Variants in FRMD4A observed in about 807,000 individuals in gnomAD.
FRMD4A encodes FERM domain-containing protein 4A.
Under a neutral mutation model 129.1 loss-of-function variants are expected in FRMD4A, and 29 were observed. That is an observed-to-expected ratio of 0.22 (90% CI 0.17 to 0.31). The LOEUF is 0.31. Ranked by LOEUF, FRMD4A falls within the 10% of genes least tolerant of loss-of-function variation. The pLI, the probability that FRMD4A is intolerant of heterozygous loss-of-function variation, is 1.00. For missense variants in FRMD4A, 1,272 were observed against 1,375.8 expected (o/e 0.92, Z 1.19); for synonymous variants, 634 against 571.6 (o/e 1.11, Z -1.56).
chr10:14,213,885 T>C (rs1463220776), intron 2 of FRMD4A, among the ~76,000 whole-genome samples: 1 of 152,238 alleles, frequency 6.6e-6, no homozygotes, highest in African/African-American at 2.4e-5. Flanking sequence ...GATGGTTTTA[T>C]AAGGGGAAAC....
At chr10:13,741,442 C>T (rs765987072) in intron 9 of FRMD4A, among the ~76,000 whole-genome samples, 1 of 152,004 alleles carries the variant, frequency 6.6e-6, no homozygotes, top group Non-Finnish European at 1.5e-5. Context: ...CAGAGTGAGA[C>T]CCTGGCTCAA....
intron 15 of FRMD4A, among the ~76,000 whole-genome samples, chr10:13,677,043 C>T (rs955408088): frequency 3.3e-5 from 5 of 152,122 alleles, no homozygotes; most frequent in Admixed American, 2.0e-4. Context: ...ACTTCTGTCC[C>T]GTGGCATCAA....
At chr10:14,289,662 C>T (rs934707319) in intron 2 of FRMD4A, among the ~76,000 whole-genome samples, 3 of 152,076 alleles carry the variant, frequency 2.0e-5, no homozygotes, top group Non-Finnish European at 4.4e-5. Flanking sequence ...CAGCTAACAC[C>T]ATCATCAATG....
intron 2 of FRMD4A, among the ~76,000 whole-genome samples, chr10:14,022,797 T>A (rs910322854): frequency 6.6e-6 from 1 of 151,946 alleles, no homozygotes; most frequent in Non-Finnish European, 1.5e-5. Context: ...CAAGGTGGAG[T>A]GCATCTTGGA....
intron 2 of FRMD4A, among the ~76,000 whole-genome samples, chr10:14,163,349 C>T (rs996712022): frequency 7.9e-5 from 12 of 152,194 alleles, no homozygotes; most frequent in African/African-American, 2.9e-4. Flanking sequence ...TTATCATTAA[C>T]GTAATTCCCT....
At chr10:13,746,964 C>A (rs1010779478) in intron 9 of FRMD4A, among the ~76,000 whole-genome samples, 3 of 152,078 alleles carry the variant, frequency 2.0e-5, no homozygotes, top group Admixed American at 1.3e-4. Flanking sequence ...GTGGCTAAAT[C>A]AGGAGATGTG....
intron 4 of FRMD4A, among the ~76,000 whole-genome samples, chr10:13,808,435 C>A (rs1288013327): frequency 6.6e-6 from 1 of 152,218 alleles, no homozygotes; most frequent in Non-Finnish European, 1.5e-5. Flanking sequence ...TACTGTAAGG[C>A]TAGCGCTTAC....
At chr10:14,045,689 T>C (rs905046205) in intron 2 of FRMD4A, among the ~76,000 whole-genome samples, 3 of 146,638 alleles carry the variant, frequency 2.0e-5, no homozygotes, top group African/African-American at 7.4e-5. Flanking sequence ...ATATTATATA[T>C]GATATAATTA....
chr10:14,152,117 CTTTTTTTTTT>C (rs36023583), intron 2 of FRMD4A, among the ~76,000 whole-genome samples: 9 of 54,152 alleles, frequency 1.7e-4, no homozygotes, highest in South Asian at 8.5e-4. Flanking sequence ...TTGTGTAGTG[CTTTTTTTTTT>C]TTTTTTTTTT....
At chr10:13,740,318 T>G in intron 10 of FRMD4A, 67 bp from the exon 11 acceptor site, 1 of 1,078,434 alleles carries the variant, frequency 9.3e-7, no homozygotes, top group African/African-American at 1.6e-5. Flanking sequence ...ATTCAGCAGA[T>G]CTGGTATCAT....
intron 2 of FRMD4A, among the ~76,000 whole-genome samples, chr10:14,232,365 A>T (rs1186531465): frequency 6.6e-6 from 1 of 152,192 alleles, no homozygotes; most frequent in African/African-American, 2.4e-5. Context: ...GGGTAATGTG[A>T]TGCCTCTAGC....
chr10:13,792,892 G>A (rs566784076), intron 5 of FRMD4A, among the ~76,000 whole-genome samples: 2 of 152,338 alleles, frequency 1.3e-5, no homozygotes, highest in East Asian at 3.9e-4. Context: ...CAGAGGAAAT[G>A]CTTATAGAGG....
intron 2 of FRMD4A, among the ~76,000 whole-genome samples, chr10:14,254,064 G>A (rs1292768750): frequency 6.6e-6 from 1 of 152,138 alleles, no homozygotes; most frequent in Non-Finnish European, 1.5e-5. Flanking sequence ...TGGCTCAAGG[G>A]AAAATGCTAT....
chr10:14,302,448 C>T (rs1169824389), intron 2 of FRMD4A, among the ~76,000 whole-genome samples: 1 of 152,188 alleles, frequency 6.6e-6, no homozygotes, highest in Non-Finnish European at 1.5e-5. Flanking sequence ...AGTGTGATCT[C>T]TGGAGTCAGA....
At chr10:13,901,538 G>A (rs925449449) in intron 2 of FRMD4A, among the ~76,000 whole-genome samples, 2 of 151,150 alleles carry the variant, frequency 1.3e-5, no homozygotes, top group Non-Finnish European at 2.9e-5. Context: ...GAGCCCAGGA[G>A]GTGGAGGTTG....
chr10:14,227,214 C>G (rs1008277157), intron 2 of FRMD4A, among the ~76,000 whole-genome samples: 1 of 148,648 alleles, frequency 6.7e-6, no homozygotes, highest in African/African-American at 2.5e-5. Context: ...TTCTTCTTTC[C>G]CCTTCCTCCT....
At chr10:14,202,198 G>C (rs537242467) in intron 2 of FRMD4A, among the ~76,000 whole-genome samples, 1 of 152,000 alleles carries the variant, frequency 6.6e-6, no homozygotes, top group Non-Finnish European at 1.5e-5. Context: ...AGTCAGTGGT[G>C]TGCTGCAAGA....
chr10:13,957,224 G>T (rs2446573), intron 2 of FRMD4A, among the ~76,000 whole-genome samples: 2 of 152,096 alleles, frequency 1.3e-5, no homozygotes, highest in South Asian at 4.1e-4. Flanking sequence ...GTTACAGTGT[G>T]CCAGTGTTTA....
chr10:14,322,841 C>A (rs2132122702), intron 2 of FRMD4A, among the ~76,000 whole-genome samples: 1 of 152,304 alleles, frequency 6.6e-6, no homozygotes, highest in Non-Finnish European at 1.5e-5. Flanking sequence ...GCTACTTGCA[C>A]CAGTAATGTA....
Sources: gnomAD v4.1 joint callset for allele counts (sites outside exome capture counted in the v4.1 genomes callset) on GRCh38, gnomAD v4.1.1 for gene constraint, MANE v1.5 for transcripts, NCBI Gene and HGNC (gene_info 2026-07-23, HGNC 2026-07-21) for gene names.